Variants in CEACAM21 observed in about 807,000 individuals in gnomAD.
CEACAM21 encodes the protein cell adhesion molecule CEACAM21.
CEACAM21 carries 38 observed loss-of-function variants against 33.2 expected under a neutral mutation model. The ratio of observed to expected loss-of-function variants is 1.14; its 90% confidence interval spans 0.88 to 1.50. The LOEUF is 1.50. Ranked by LOEUF, CEACAM21 falls within the 40% of genes most tolerant of loss-of-function variation. The probability of loss-of-function intolerance (pLI) is 0.00; values close to 1 mark genes in which losing one functional copy is unlikely to be tolerated. For synonymous variants in CEACAM21, 156 were observed against 143.0 expected, an observed-to-expected ratio of 1.09 and a Z score of -0.65; for missense variants, 385 against 364.6, an observed-to-expected ratio of 1.06 and a Z score of -0.46.
chr19:41,561,059 A>G (rs1459452512), intron 1 of CEACAM21, among the ~76,000 whole-genome samples: 2 of 152,262 alleles, frequency 1.3e-5, no homozygotes, highest in African/African-American at 4.8e-5. Context: ...GGAAAACTCA[A>G]AAGAATCTGA....
At chr19:41,580,210 G>C (rs2043269484) in intron 3 of CEACAM21, among the ~76,000 whole-genome samples, 1 of 152,012 alleles carries the variant, frequency 6.6e-6, no homozygotes, top group Non-Finnish European at 1.5e-5. Context: ...TGGCAGATGG[G>C]ATTCCACCCT....
upstream of CEACAM21, among the ~76,000 whole-genome samples, chr19:41,573,510 C>G (rs1389829388): frequency 6.6e-6 from 1 of 152,162 alleles, no homozygotes; most frequent in Non-Finnish European, 1.5e-5. Flanking sequence ...GACTGGTCAC[C>G]CAACACCCAA....
chr19:41,562,793 A>T (rs1328733313), intron 1 of CEACAM21, among the ~76,000 whole-genome samples: 1 of 151,648 alleles, frequency 6.6e-6, no homozygotes, highest in Non-Finnish European at 1.5e-5. Flanking sequence ...CAGTGGCGCG[A>T]TCTCGGCGCA....
At chr19:41,565,285 G>C (rs1436240728) in intron 2 of CEACAM21, among the ~76,000 whole-genome samples, 1 of 152,144 alleles carries the variant, frequency 6.6e-6, no homozygotes, top group Non-Finnish European at 1.5e-5. Context: ...GGAGGAGAAG[G>C]GGGTGGGGAG....
intron 2 of CEACAM21, among the ~76,000 whole-genome samples, chr19:41,577,969 T>C (rs570921443): frequency 6.6e-6 from 1 of 152,294 alleles, no homozygotes; most frequent in African/African-American, 2.4e-5. Context: ...TGACTCCAGA[T>C]GACCCTGGGG....
Position 41,585,449 on chromosome 19 carries a change from C to A in CEACAM21, c.804C>A (p.Ser268Arg), listed in dbSNP as rs150547585. Residue 268 changes from serine to arginine, a missense_variant, in exon 5 of 7, where the codon AGC (serine) becomes AGA (arginine). Coordinates refer to ENST00000401445, the MANE Select transcript of CEACAM21 (RefSeq NM_001098506.4). The part of the protein sequence containing the change: ...FLLLRKTGRA[S>R]DQSDFREQQP... ...TAACCCTGACCTTTCCTAGGGCCAG[C>A]GATCAGAGTGACTTCAGGGAGCAGC... 439 of 1,613,812 alleles carry A rather than the reference C, an allele frequency of 2.7e-4. 1 individual carries two copies. In the African/African-American group the frequency reaches 5.3e-3, roughly 19 times the overall value.
intron 6 of CEACAM21, 24 bp downstream of exon 6, chr19:41,585,895 C>G (rs201347584): frequency 1.2e-6 from 2 of 1,611,764 alleles, no homozygotes; most frequent in Admixed American, 3.3e-5. Flanking sequence ...TTCCCAATCC[C>G]ATTTCCACTG....
intron 1 of CEACAM21, 121 bp downstream of exon 1, chr19:41,576,459 A>G: frequency 8.9e-7 from 1 of 1,122,050 alleles, no homozygotes; most frequent in Non-Finnish European, 1.2e-6. Context: ...CTCAGGGGAG[A>G]GAGCGTCTAA....
intron 3 of CEACAM21, 103 bp from the exon 4 acceptor site, chr19:41,584,244 A>G (rs187230560): frequency 1.1e-6 from 1 of 950,530 alleles, no homozygotes; most frequent in Admixed American, 2.1e-5. Flanking sequence ...CTCAGGCTCC[A>G]TGGCATTTCC....
chr19:41,582,166 G>A (rs1291607582), intron 3 of CEACAM21, among the ~76,000 whole-genome samples: 4 of 152,184 alleles, frequency 2.6e-5, no homozygotes, highest in African/African-American at 9.7e-5. Flanking sequence ...AATCCAGCAG[G>A]GCAGCCAAAT....
chr19:41,552,186 G>C (rs936154692), intron 1 of CEACAM21: 1 of 152,100 alleles, frequency 6.6e-6, no homozygotes, highest in Non-Finnish European at 1.5e-5. Context: ...AAGTCTTGGA[G>C]ACCTTTCTCT....
upstream of CEACAM21, among the ~76,000 whole-genome samples, chr19:41,574,185 C>T (rs1382225558): frequency 6.6e-6 from 1 of 152,158 alleles, no homozygotes; most frequent in African/African-American, 2.4e-5. Flanking sequence ...ACAGCCCATA[C>T]AAAAGTTAAC....
intron 1 of CEACAM21, 115 bp downstream of exon 1, chr19:41,576,453 G>A (rs2042954673): frequency 8.5e-7 from 1 of 1,175,910 alleles, no homozygotes; most frequent in Non-Finnish European, 1.2e-6. Flanking sequence ...TAGAGACTCA[G>A]GGGAGAGAGC....
At chr19:41,569,351 C>A (rs1433804160) in intron 2 of CEACAM21, among the ~76,000 whole-genome samples, 2 of 152,128 alleles carry the variant, frequency 1.3e-5, no homozygotes, top group African/African-American at 4.8e-5. Context: ...GTGACTGGGA[C>A]TACAGGTGTA....
At chr19:41,563,118 G>T (rs1012337601) in intron 1 of CEACAM21, among the ~76,000 whole-genome samples, 1 of 152,172 alleles carries the variant, frequency 6.6e-6, no homozygotes, top group Non-Finnish European at 1.5e-5. Flanking sequence ...ATAACAGTAA[G>T]AGTATTCTAA....
At chr19:41,559,266 A>T (rs569125246) in intron 1 of CEACAM21, among the ~76,000 whole-genome samples, 1 of 152,366 alleles carries the variant, frequency 6.6e-6, no homozygotes, top group Admixed American at 6.5e-5. Flanking sequence ...AAATTAGAAG[A>T]ATAAAAGTAT....
chr19:41,563,252 C>T (rs1279845083), intron 1 of CEACAM21, among the ~76,000 whole-genome samples: 2 of 152,198 alleles, frequency 1.3e-5, no homozygotes, highest in Non-Finnish European at 2.9e-5. Flanking sequence ...GTTGTTTTCA[C>T]TGTTGCTCTC....
upstream of CEACAM21, among the ~76,000 whole-genome samples, chr19:41,575,053 A>C (rs563185527): frequency 6.6e-6 from 1 of 152,248 alleles, no homozygotes; most frequent in African/African-American, 2.4e-5. Flanking sequence ...GATGAATCTT[A>C]AAAGTGTTAC....
intron 3 of CEACAM21, among the ~76,000 whole-genome samples, chr19:41,580,357 C>T (rs1182502480): frequency 3.3e-5 from 5 of 152,076 alleles, no homozygotes; most frequent in African/African-American, 1.2e-4. Context: ...AGTTCTGCAC[C>T]GTACATCAGC....
Sources: allele counts gnomAD v4.1 joint callset (sites outside exome capture counted in the v4.1 genomes callset), GRCh38; gene constraint gnomAD v4.1.1; transcripts MANE v1.5; gene names NCBI Gene and HGNC (gene_info 2026-07-23, HGNC 2026-07-21).